FOXP1: variants seen among roughly 807,000 people sequenced by gnomAD.
The protein encoded by FOXP1 is forkhead box protein P1.
In FOXP1, 15 loss-of-function variants were observed where a neutral mutation model predicts 98.2. The ratio of observed to expected loss-of-function variants is 0.15; its 90% CI spans 0.10 to 0.24. The LOEUF is 0.24. FOXP1 is among the 10% of genes least tolerant of loss of function. FOXP1 has a pLI of 1.00. For missense variants in FOXP1, 633 were observed against 848.5 expected (o/e 0.75, Z 3.15); for synonymous variants, 371 against 314.5 (o/e 1.18, Z -1.90).
At chr3:71,464,501 C>G (rs2088492279) in intron 3 of FOXP1, among the ~76,000 whole-genome samples, 1 of 152,190 alleles carries the variant, frequency 6.6e-6, no homozygotes, top group South Asian at 2.1e-4. Flanking sequence ...TACTACTGTT[C>G]CATGCTCAGC....
intron 5 of FOXP1, among the ~76,000 whole-genome samples, chr3:71,263,754 T>A (rs1024415467): frequency 3.4e-5 from 5 of 148,850 alleles, no homozygotes; most frequent in South Asian, 2.1e-4. Context: ...TTTTTTTTTT[T>A]CTCTTCTGAA....
At chr3:71,018,432 T>C (rs2044850010) in intron 11 of FOXP1, among the ~76,000 whole-genome samples, 1 of 152,196 alleles carries the variant, frequency 6.6e-6, no homozygotes, top group Non-Finnish European at 1.5e-5. Flanking sequence ...AATTACATGC[T>C]CTTGTTTTCA....
Position 70,959,019 on chromosome 3 carries a change from CACAGAGT to C in FOXP1, c.*221_*227del, listed in dbSNP as rs2032546507. The stretch of plus-strand genomic sequence containing the variant: ...AAGTACCAAACAAGTCCATCCAATG[CACAGAGT>C]ACAAATTCCTTTTTTCAACAAAAAG... On this transcript the variant is annotated 3_prime_UTR_variant, in exon 21 of 21. Transcript: ENST00000649528. 3.9e-6 allele frequency: 2 copies of C among 514,356 alleles called. No individual in the cohort carries two copies. Among genetic ancestry groups the C allele is most frequent in the Admixed American group, 3.2e-5 (1 of 31,110 alleles). The allele number at this position is 514,356 out of a possible 1,614,324, so 31.9% of individuals were successfully genotyped here.
At chr3:71,258,941 C>T (rs2068864442) in intron 5 of FOXP1, among the ~76,000 whole-genome samples, 1 of 151,992 alleles carries the variant, frequency 6.6e-6, no homozygotes, top group Admixed American at 6.5e-5. Context: ...GTCAGGAGAT[C>T]GAGACTACCC....
At chr3:71,357,355 T>A (rs1264551203) in intron 4 of FOXP1, among the ~76,000 whole-genome samples, 1 of 152,248 alleles carries the variant, frequency 6.6e-6, no homozygotes, top group Non-Finnish European at 1.5e-5. Flanking sequence ...AAATATTTAC[T>A]GAGCTGTATC....
chr3:71,074,300 T>C (rs1239247657), intron 7 of FOXP1, among the ~76,000 whole-genome samples: 1 of 152,178 alleles, frequency 6.6e-6, no homozygotes, highest in East Asian at 1.9e-4. Flanking sequence ...CAATCTTGGC[T>C]CACTGCAACT....
intron 3 of FOXP1, among the ~76,000 whole-genome samples, chr3:71,471,589 T>A (rs1417821286): frequency 1.3e-5 from 2 of 152,176 alleles, no homozygotes; most frequent in African/African-American, 4.8e-5. Context: ...CAATGTTCCA[T>A]TCTTTTCAAC....
intron 5 of FOXP1, among the ~76,000 whole-genome samples, chr3:71,216,649 T>C (rs1287716743): frequency 2.6e-5 from 4 of 151,876 alleles, no homozygotes; most frequent in Non-Finnish European, 2.9e-5. Flanking sequence ...AAATGGGTGG[T>C]TTCCATTTTT....
chr3:71,319,549 T>C (rs2075276981), intron 4 of FOXP1, among the ~76,000 whole-genome samples: 1 of 152,180 alleles, frequency 6.6e-6, no homozygotes, highest in South Asian at 2.1e-4. Flanking sequence ...CACAGTCTCA[T>C]AGCCCCCTAC....
Position 71,333,961 on chromosome 3 carries a change from C to G in FOXP1, c.-73+25189G>C, listed in dbSNP as rs531131104. 7 of 150,512 alleles carry G rather than the reference C, an allele frequency of 4.7e-5. No individual in the cohort carries two copies. In the South Asian group the frequency reaches 1.5e-3, roughly 32 times the overall value. 9.3% of individuals were successfully genotyped at this position (150,512 alleles called of 1,614,324 possible). A position where few individuals can be genotyped will look rare whatever the true frequency, so the allele number is the denominator to read the frequency against. The stretch of plus-strand genomic sequence containing the variant: ...GAAATAAGAAAATACACTAGAGGGA[C>G]AGATAGCAAATAGATACAACAAATA... On this transcript the variant is annotated intron_variant, in intron 4 of 20. Coordinates refer to ENST00000649528, the MANE Select transcript of FOXP1 (RefSeq NM_001349338.3).
At chr3:71,458,295 G>A (rs1311207973) in intron 3 of FOXP1, among the ~76,000 whole-genome samples, 1 of 152,146 alleles carries the variant, frequency 6.6e-6, no homozygotes, top group Non-Finnish European at 1.5e-5. Flanking sequence ...TCAAAAAAGA[G>A]TTTAACCATG....
chr3:71,389,670 T>C (rs1306782349), intron 3 of FOXP1, among the ~76,000 whole-genome samples: 1 of 152,152 alleles, frequency 6.6e-6, no homozygotes, highest in Non-Finnish European at 1.5e-5. Flanking sequence ...TAATTGAGAA[T>C]ACCTGTTTAG....
At chr3:71,505,235 G>A (rs569693849) in intron 2 of FOXP1, among the ~76,000 whole-genome samples, 4 of 152,120 alleles carry the variant, frequency 2.6e-5, no homozygotes, top group African/African-American at 9.6e-5. Context: ...AAAACCCTTG[G>A]CTTCTTGCGT....
intron 2 of FOXP1, among the ~76,000 whole-genome samples, chr3:71,547,937 C>T (rs965164284): frequency 1.4e-4 from 21 of 152,214 alleles, no homozygotes; most frequent in Non-Finnish European, 2.8e-4. Flanking sequence ...GAGAAGTCCT[C>T]TTAAACCAAA....
At chr3:71,132,165 C>T (rs1187818617) in intron 6 of FOXP1, among the ~76,000 whole-genome samples, 1 of 152,222 alleles carries the variant, frequency 6.6e-6, no homozygotes, top group Non-Finnish European at 1.5e-5. Context: ...TCAAAAGGCA[C>T]ACAGCCTGGG....
intron 10 of FOXP1, among the ~76,000 whole-genome samples, chr3:71,043,975 A>G (rs1015462617): frequency 6.6e-6 from 1 of 152,226 alleles, no homozygotes; most frequent in Non-Finnish European, 1.5e-5. Context: ...GACAACAGCG[A>G]TACTTCTGGG....
intron 6 of FOXP1, among the ~76,000 whole-genome samples, chr3:71,173,383 T>TCACACACACACACACACACACA (rs3064895): frequency 7.0e-6 from 1 of 143,206 alleles, no homozygotes; most frequent in Non-Finnish European, 1.5e-5. Flanking sequence ...AAGAAAAAAT[T>TCACACACACACACACACACACA]CACACACACA....
chr3:71,020,002 T>TA (rs1298508682), intron 11 of FOXP1, among the ~76,000 whole-genome samples: 1 of 152,196 alleles, frequency 6.6e-6, no homozygotes, highest in African/African-American at 2.4e-5. Flanking sequence ...AAATGTCTTG[T>TA]AGGTAAAGAC....
At chr3:71,476,062 C>T (rs1335728294) in intron 3 of FOXP1, among the ~76,000 whole-genome samples, 1 of 152,084 alleles carries the variant, frequency 6.6e-6, no homozygotes. Flanking sequence ...CTCAAGAAAG[C>T]AGATTATCCG....
Sources: gnomAD v4.1 joint callset for allele counts (sites outside exome capture counted in the v4.1 genomes callset) on GRCh38, gnomAD v4.1.1 for gene constraint, MANE v1.5 for transcripts, NCBI Gene and HGNC (gene_info 2026-07-23, HGNC 2026-07-21) for gene names.